TBRG4: variants seen among roughly 807,000 people sequenced by gnomAD.
TBRG4 encodes FAST kinase domain-containing protein 4.
In TBRG4, 43 loss-of-function variants were observed where a neutral mutation model predicts 65.6. The ratio of observed to expected loss-of-function variants is 0.66; its 90% confidence interval spans 0.51 to 0.85. The LOEUF is 0.85. TBRG4 is among the 40% of genes least tolerant of loss of function. The probability of loss-of-function intolerance (pLI) is 0.00; values close to 1 mark genes in which losing one functional copy is unlikely to be tolerated. For synonymous variants in TBRG4, 366 were observed against 341.4 expected, an observed-to-expected ratio of 1.07 and a Z score of -0.79; for missense variants, 709 against 787.9, an observed-to-expected ratio of 0.90 and a Z score of 1.20.
rs1275641893 is a variant in TBRG4, at chr7:45,103,947, C to T, written c.1065+152G>A. The T allele has an allele frequency of 8.6e-6, 9 of 1,048,118 alleles. 1 individual carries two copies. In the East Asian group the frequency reaches 2.4e-4, roughly 27 times the overall value. The allele number at this position is 1,048,118 out of a possible 1,614,324, so 64.9% of individuals were successfully genotyped here. On this transcript the variant is annotated intron_variant, in intron 5 of 10. Coordinates refer to ENST00000258770, the MANE Select transcript of TBRG4 (RefSeq NM_004749.4). ...CACTTTTTTGAGAACTGAATAGCAG[C>T]CCTTTCAAAATAAGCCAAAATGCAA... is the stretch of plus-strand genomic sequence containing the variant.
In TBRG4 at chr7:45,100,586, C is replaced by A. The variant is rs17172369; in HGVS notation, c.1795-160G>T. Among the ~76,000 whole-genome samples the A allele has an allele frequency of 0.035, 5,309 of 152,312 alleles. 304 individuals are homozygous for A. The highest frequency in any genetic ancestry group is 0.12 in the African/African-American group (4,953 of 41,548). ...CCCCTTGGCCTCCAAGTCTTCAAGGCAGAGCCCATGAACTGCAGGCAGTGC... is the reference window on the plus strand; with the variant it reads ...CCCCTTGGCCTCCAAGTCTTCAAGGAAGAGCCCATGAACTGCAGGCAGTGC... On this transcript the variant is annotated intron_variant, in intron 10 of 10. Coordinates refer to ENST00000258770, the MANE Select transcript of TBRG4 (RefSeq NM_004749.4).
intron 5 of TBRG4, 109 bp downstream of exon 5, chr7:45,103,990 C>T (rs1300597458): frequency 7.2e-7 from 1 of 1,390,982 alleles, no homozygotes; most frequent in Non-Finnish European, 9.5e-7. Flanking sequence ...GTATTTGCCC[C>T]CACAAGTGAG....
chr7:45,107,341 C>T (rs745797539), intron 2 of TBRG4: 7 of 152,288 alleles, frequency 4.6e-5, no homozygotes, highest in Non-Finnish European at 1.0e-4. Flanking sequence ...CTGGTGCCTG[C>T]TTTGTTTCTG....
chr7:45,100,668 G>C (rs1784737744), intron 10 of TBRG4, among the ~76,000 whole-genome samples: 2 of 152,200 alleles, frequency 1.3e-5, no homozygotes, highest in Admixed American at 1.3e-4. Context: ...ACTACTCGGA[G>C]GCCCAAGAAG....
chr7:45,104,321 C>A (rs752918766), intron 4 of TBRG4, 65 bp from the exon 5 acceptor site: 22 of 1,608,554 alleles, frequency 1.4e-5, no homozygotes, highest in Non-Finnish European at 1.9e-5. Context: ...GCAGCTCCAC[C>A]CCACCTCAGC....
Position 45,109,121 on chromosome 7 carries a change from C to CAA in TBRG4, c.116_117insTT (p.Thr40Ter). The CAA allele has an allele frequency of 6.2e-7, 1 of 1,614,196 alleles. No individual in the cohort carries two copies. Among genetic ancestry groups the CAA allele is most frequent in the Non-Finnish European group, 8.5e-7 (1 of 1,180,020 alleles). On this transcript the variant is annotated frameshift_variant, in exon 2 of 11. Transcript: ENST00000258770. LOFTEE classifies it high-confidence loss of function. Reference sequence around the variant, plus strand: ...AAATGGGTGAGGTGGCTGAGGAAGTCAGAGTCTTATGGGCTACCCAGGCAA... The same window carrying CAA: ...AAATGGGTGAGGTGGCTGAGGAAGTCAAAGAGTCTTATGGGCTACCCAGGCAA...
chr7:45,104,836 C>T, intron 3 of TBRG4, 127 bp from the exon 4 acceptor site: 2 of 1,403,340 alleles, frequency 1.4e-6, no homozygotes, highest in Non-Finnish European at 2.0e-6. Context: ...TGGGCCTGAG[C>T]TGACTAAACA....
chr7:45,101,160 T>G, intron 10 of TBRG4, 98 bp downstream of exon 10: 1 of 1,189,454 alleles, frequency 8.4e-7, no homozygotes. Flanking sequence ...GGGCAGGGCA[T>G]GTGTCTATAC....
chr7:45,102,283 G>A lies in TBRG4; in HGVS notation c.1321+64C>T, dbSNP rs1165538244. The A allele has an allele frequency of 6.2e-6, 10 of 1,602,546 alleles. No individual in the cohort carries two copies. In the African/African-American group the frequency reaches 1.3e-4, roughly 21 times the overall value. On this transcript the variant is annotated intron_variant, in intron 7 of 10. Transcript: ENST00000258770. ...CTCCATCTGCCCCAAATTCTCACCT[G>A]GCACTAGGCAGACAAGACCAGGCAG... is the stretch of plus-strand genomic sequence containing the variant.
At chr7:45,108,142 A>AC (rs1477961921) in intron 2 of TBRG4, among the ~76,000 whole-genome samples, 7 of 152,250 alleles carry the variant, frequency 4.6e-5, no homozygotes, top group Non-Finnish European at 1.0e-4. Context: ...ATTACACCTG[A>AC]CAACTGGAAA....
At chr7:45,101,455 T>A in intron 9 of TBRG4, 48 bp downstream of exon 9, 3 of 1,603,834 alleles carry the variant, frequency 1.9e-6, no homozygotes, top group Non-Finnish European at 2.6e-6. Context: ...GAATATGCAG[T>A]CCAACAGCCA....
At chr7:45,110,547 G>A (rs190825312) in intron 1 of TBRG4, among the ~76,000 whole-genome samples, 1 of 149,402 alleles carries the variant, frequency 6.7e-6, no homozygotes, top group Non-Finnish European at 1.5e-5. Flanking sequence ...GGCACCTGTA[G>A]TCCCAGCTAC....
Position 45,109,055 on chromosome 7 carries a change from T to C in TBRG4, c.183A>G (p.Glu61=), listed in dbSNP as rs751423776. The change falls in exon 2 of 11, where the codon GAA becomes GAG. Residue 61 remains glutamate, a synonymous_variant. Coordinates refer to ENST00000258770, the MANE Select transcript of TBRG4 (RefSeq NM_004749.4). ...TCTCTATGTAGGGAGTAGATGCTCG[T>C]TCCTTCTCCACCGGCTCCATCAAGG... The part of the protein sequence containing the change: ...PGSLMEPVEK[E]RASTPYIEKQ... 1.9e-6 allele frequency: 3 copies of C among 1,613,914 alleles called. No individual in the cohort carries two copies. Among genetic ancestry groups the C allele is most frequent in the Admixed American group, 3.3e-5 (2 of 60,006 alleles).
intron 3 of TBRG4, 75 bp downstream of exon 3, chr7:45,105,366 A>G: frequency 1.3e-6 from 2 of 1,487,546 alleles, no homozygotes; most frequent in Non-Finnish European, 1.8e-6. Flanking sequence ...CCCTCTGCAG[A>G]CAACTGTCAC....
Position 45,108,905 on chromosome 7 carries a change from C to G in TBRG4, c.333G>C (p.Leu111=), listed in dbSNP as rs1333202318. 1 of 1,595,052 alleles carries G rather than the reference C, an allele frequency of 6.3e-7. No individual in the cohort carries two copies. The highest frequency in any genetic ancestry group is 8.5e-7 in the Non-Finnish European group (1 of 1,173,104). Reference sequence around the variant, plus strand: ...AGCCTTTATCTTCTGGCTTCTCAGACAGCAAGTGAGAGAGCCGGATAAGTA... The same window carrying G: ...AGCCTTTATCTTCTGGCTTCTCAGAGAGCAAGTGAGAGAGCCGGATAAGTA... ...AMVLIRLSHL[L]SEKPEDKGLL... is the part of the protein sequence containing the mutation. The change falls in exon 2 of 11, where the codon CTG becomes CTC. Residue 111 remains leucine, a synonymous_variant. Transcript: ENST00000258770.
chr7:45,108,596 C>T (rs1350035011), intron 2 of TBRG4, among the ~76,000 whole-genome samples: 2 of 152,246 alleles, frequency 1.3e-5, no homozygotes, highest in African/African-American at 2.4e-5. Context: ...TATCACTATG[C>T]GTCTTGGCTG....
intron 4 of TBRG4, 74 bp downstream of exon 4, chr7:45,104,464 T>C (rs1388761511): frequency 6.2e-7 from 1 of 1,610,752 alleles, no homozygotes; most frequent in Admixed American, 1.7e-5. Context: ...GGACAGGTAC[T>C]GAATTTGACA....
chr7:45,103,293 G>A (rs777884744), intron 6 of TBRG4, 40 bp downstream of exon 6: 184 of 1,509,214 alleles, frequency 1.2e-4, no homozygotes, highest in Non-Finnish European at 1.6e-4. Flanking sequence ...TAGCTGAAGG[G>A]GAGGATAAAG....
At chr7:45,105,401 G>A (rs180770201) in intron 3 of TBRG4, 40 bp downstream of exon 3, 1 of 1,556,906 alleles carries the variant, frequency 6.4e-7, no homozygotes, top group Admixed American at 1.8e-5. Context: ...CAAAGCCCAG[G>A]GGAGGCAGGC....
Sources: allele counts gnomAD v4.1 joint callset (sites outside exome capture counted in the v4.1 genomes callset), GRCh38; gene constraint gnomAD v4.1.1; transcripts MANE v1.5; gene names NCBI Gene and HGNC (gene_info 2026-07-23, HGNC 2026-07-21).